FAM184B: variants seen among roughly 807,000 people sequenced by gnomAD.
FAM184B encodes protein FAM184B.
A neutral mutation model predicts 135.9 loss-of-function variants in FAM184B; 111 were observed. The ratio of observed to expected loss-of-function variants is 0.82; its 90% CI spans 0.70 to 0.96. FAM184B has a LOEUF of 0.96. Among genes scored for constraint, FAM184B ranks in the 40% least tolerant of loss-of-function variants. The pLI is 0.00. For synonymous variants in FAM184B, 552 were observed against 524.8 expected, an observed-to-expected ratio of 1.05 and a Z score of -0.71; for missense variants, 1,375 against 1,323.9, an observed-to-expected ratio of 1.04 and a Z score of -0.60.
intron 6 of FAM184B, among the ~76,000 whole-genome samples, chr4:17,690,940 T>C (rs1716718127): frequency 6.6e-6 from 1 of 152,142 alleles, no homozygotes; most frequent in African/African-American, 2.4e-5. Flanking sequence ...GACACTTTCA[T>C]TTCTAGCTTT....
chr4:17,646,721 AAATAT>A (rs2108933709), intron 12 of FAM184B, among the ~76,000 whole-genome samples: 1 of 151,176 alleles, frequency 6.6e-6, no homozygotes, highest in Non-Finnish European at 1.5e-5. Flanking sequence ...CTAGAACTTA[AAATAT>A]AATAATAATA....
At chr4:17,767,600 A>G (rs1718728219) in intron 1 of FAM184B, among the ~76,000 whole-genome samples, 1 of 152,186 alleles carries the variant, frequency 6.6e-6, no homozygotes, top group Non-Finnish European at 1.5e-5. Flanking sequence ...GGGAGAAAGT[A>G]CAAATGCATT....
intron 1 of FAM184B, among the ~76,000 whole-genome samples, chr4:17,757,817 T>A (rs185399765): frequency 4.6e-5 from 7 of 152,276 alleles, no homozygotes; most frequent in Admixed American, 2.6e-4. Context: ...CATCAAGAAA[T>A]TTAGCTGCCA....
At chr4:17,695,087 A>T (rs1012874605) in intron 5 of FAM184B, among the ~76,000 whole-genome samples, 37 of 152,166 alleles carry the variant, frequency 2.4e-4, no homozygotes, top group Non-Finnish European at 4.3e-4. Context: ...CTCAAGCATC[A>T]AGGTAAGACT....
intron 16 of FAM184B, among the ~76,000 whole-genome samples, chr4:17,634,740 T>G (rs1715070856): frequency 6.6e-6 from 1 of 152,228 alleles, no homozygotes; most frequent in Non-Finnish European, 1.5e-5. Flanking sequence ...AAGTGGAAGA[T>G]TCTTACTCTT....
At chr4:17,724,738 A>G (rs970217130) in intron 1 of FAM184B, among the ~76,000 whole-genome samples, 1 of 152,174 alleles carries the variant, frequency 6.6e-6, no homozygotes, top group Non-Finnish European at 1.5e-5. Flanking sequence ...ACCTCGCATA[A>G]AGCTCTTCTG....
At chr4:17,725,929 CTT>C (rs879336645) in intron 1 of FAM184B, among the ~76,000 whole-genome samples, 2 of 145,398 alleles carry the variant, frequency 1.4e-5, no homozygotes, top group Non-Finnish European at 3.0e-5. Context: ...CAAAACTCTT[CTT>C]TTTTTTTTTT....
chr4:17,659,917 G>A (rs2087762789), intron 9 of FAM184B, 41 bp downstream of exon 9: 1 of 1,546,346 alleles, frequency 6.5e-7, no homozygotes, highest in Non-Finnish European at 8.7e-7. Context: ...GAGGGGGCAG[G>A]ATCTCAGGAA....
At chr4:17,728,721 G>A (rs1035970733) in intron 1 of FAM184B, among the ~76,000 whole-genome samples, 4 of 152,118 alleles carry the variant, frequency 2.6e-5, no homozygotes, top group African/African-American at 9.7e-5. Flanking sequence ...AGTAACCTCC[G>A]GGTGATGGGA....
At chr4:17,749,588 G>A (rs6841022) in intron 1 of FAM184B, among the ~76,000 whole-genome samples, 113,338 of 152,022 alleles carry the variant, frequency 0.75, 42,869 homozygotes, top group Non-Finnish European at 0.81. Context: ...AATTATTAGT[G>A]CCATCTATAT....
chr4:17,699,247 C>T (rs1424322471), intron 5 of FAM184B, among the ~76,000 whole-genome samples: 2 of 151,768 alleles, frequency 1.3e-5, no homozygotes, highest in African/African-American at 2.4e-5. Context: ...ACGAAGAGAA[C>T]CTCAATGACT....
intron 1 of FAM184B, among the ~76,000 whole-genome samples, chr4:17,743,520 T>C (rs1283139335): frequency 6.6e-6 from 1 of 152,144 alleles, no homozygotes; most frequent in East Asian, 1.9e-4. Flanking sequence ...TCACCAGCCA[T>C]TTTCCTCTCT....
intron 5 of FAM184B, among the ~76,000 whole-genome samples, chr4:17,695,979 T>A (rs928519356): frequency 6.6e-6 from 1 of 152,072 alleles, no homozygotes; most frequent in African/African-American, 2.4e-5. Context: ...AAATTTCCTG[T>A]GAATTAGAGG....
At chr4:17,632,672 A>T (rs1470817953) in intron 17 of FAM184B, 47 bp from the exon 18 acceptor site, 21 of 1,308,302 alleles carry the variant, frequency 1.6e-5, no homozygotes. Flanking sequence ...AAACTATGCA[A>T]GAAGCAGCTT....
Position 17,708,993 on chromosome 4 carries a change from G to A in FAM184B, c.793C>T (p.Leu265=). 1.3e-6 allele frequency: 2 copies of A among 1,550,742 alleles called. No individual in the cohort carries two copies. The highest frequency in any genetic ancestry group is 1.7e-6 in the Non-Finnish European group (2 of 1,146,940). ...RKNFQVQESA[L]QAQVRKLEGD... is the part of the protein sequence containing the mutation. ...TCCAGCTTCCGGACCTGAGCCTGCA[G>A]GGCTGACTCCTGGACCTGGAAGTTC... Residue 265 remains leucine, a synonymous_variant, in exon 2 of 18, where the codon CTG becomes TTG. Coordinates refer to ENST00000265018, the MANE Select transcript of FAM184B (RefSeq NM_015688.2).
At chr4:17,656,222 C>A (rs1434727711) in intron 10 of FAM184B, among the ~76,000 whole-genome samples, 1 of 152,106 alleles carries the variant, frequency 6.6e-6, no homozygotes, top group Non-Finnish European at 1.5e-5. Flanking sequence ...CAGGGATACA[C>A]AAAGGTCCAT....
chr4:17,730,662 C>CTGTAAA, intron 1 of FAM184B, among the ~76,000 whole-genome samples: 1 of 152,196 alleles, frequency 6.6e-6, no homozygotes, highest in East Asian at 1.9e-4. Flanking sequence ...AAACTGGAAA[C>CTGTAAA]TGTAAAAAGC....
At chr4:17,678,950 T>C (rs1272392918) in intron 7 of FAM184B, among the ~76,000 whole-genome samples, 1 of 152,086 alleles carries the variant, frequency 6.6e-6, no homozygotes, top group Non-Finnish European at 1.5e-5. Context: ...ATTCAACAAA[T>C]GGTGCTGGGA....
chr4:17,685,198 T>TAAA (rs56051873), intron 7 of FAM184B, among the ~76,000 whole-genome samples: 7 of 103,534 alleles, frequency 6.8e-5, no homozygotes, highest in Non-Finnish European at 1.2e-4. Context: ...CCCTGGAACT[T>TAAA]AAAAAAAAAA....
Sources: allele counts gnomAD v4.1 joint callset (sites outside exome capture counted in the v4.1 genomes callset), GRCh38; gene constraint gnomAD v4.1.1; transcripts MANE v1.5; gene names NCBI Gene and HGNC (gene_info 2026-07-23, HGNC 2026-07-21).